SLC46A3: variants seen among roughly 807,000 people sequenced by gnomAD.
SLC46A3 encodes lysosomal proton-coupled steroid conjugate and bile acid symporter SLC46A3.
A neutral mutation model predicts 38.5 loss-of-function variants in SLC46A3; 26 were observed. That is an observed-to-expected ratio of 0.68 (90% CI 0.49 to 0.94). The LOEUF is 0.94. SLC46A3 is among the 40% of genes least tolerant of loss of function. The pLI is 0.00. For synonymous variants in SLC46A3, 185 were observed against 192.5 expected (o/e 0.96, Z 0.32); for missense variants, 510 against 544.3 (o/e 0.94, Z 0.63).
In SLC46A3 at chr13:28,712,748, C is replaced by A; in HGVS notation, c.992G>T (p.Gly331Val). ...CMEDIHMAFI[G>V]IFTTMTGMAM... Reference sequence around the variant, plus strand: ...CATTCCTGTCATCGTGGTAAAAATCCCAATGAAGGCCATATGAATATCTTC... The same window carrying A: ...CATTCCTGTCATCGTGGTAAAAATCACAATGAAGGCCATATGAATATCTTC... The change falls in exon 3 of 6, where the codon GGG (glycine) becomes GTG (valine). Residue 331 changes from glycine to valine, a missense_variant. Physicochemically the swap from Gly to Val is moderately radical, Grantham distance 109 (BLOSUM62 -3). Coordinates refer to ENST00000266943, the MANE Select transcript of SLC46A3 (RefSeq NM_181785.4). 1 of 1,609,180 alleles carries A rather than the reference C, an allele frequency of 6.2e-7. No individual in the cohort carries two copies. Among genetic ancestry groups the A allele is most frequent in the Admixed American group, 1.7e-5 (1 of 58,744 alleles).
rs747541726 is a variant in SLC46A3, at chr13:28,704,032, A to C, written c.1212T>G (p.Asn404Lys). 1 of 1,613,784 alleles carries C rather than the reference A, an allele frequency of 6.2e-7. No individual in the cohort carries two copies. Among genetic ancestry groups the C allele is most frequent in the South Asian group, 1.1e-5 (1 of 91,070 alleles). Residue 404 changes from asparagine to lysine, a missense_variant, in exon 5 of 6, where the codon AAT (asparagine) becomes AAG (lysine). Coordinates refer to ENST00000266943, the MANE Select transcript of SLC46A3 (RefSeq NM_181785.4). ...AAGCAACAGTGGCTGAGTAAATTCCATTAAAAGTAGAAACTGCAGTGACTC... is the reference window on the plus strand; with the variant it reads ...AAGCAACAGTGGCTGAGTAAATTCCCTTAAAAGTAGAAACTGCAGTGACTC... ...LGGVTAVSTF[N>K]GIYSATVAWY...
intron 2 of SLC46A3, among the ~76,000 whole-genome samples, chr13:28,716,843 T>C (rs934696553): frequency 6.6e-6 from 1 of 152,148 alleles, no homozygotes. Context: ...TCACAGAGAC[T>C]CACAGAGCCA....
intron 2 of SLC46A3, among the ~76,000 whole-genome samples, chr13:28,715,339 A>C (rs1249997883): frequency 6.6e-6 from 1 of 152,264 alleles, no homozygotes. Context: ...GGCTCTCAGC[A>C]GCTGGGCCAG....
At position 28,713,021 on chromosome 13, in the gene SLC46A3, T is replaced by C; in HGVS notation, c.719A>G (p.Asn240Ser). The change falls in exon 3 of 6, where the codon AAC (asparagine) becomes AGC (serine). Residue 240 changes from asparagine (N) to serine (S), a missense_variant. Asn to Ser is a conservative substitution (Grantham distance 46). Transcript: ENST00000266943. ...AAGCATGTAAGTTCGGTAAAATAGGTTTTTGAAGCCTTCACTACATGACAT... is the reference window on the plus strand; with the variant it reads ...AAGCATGTAAGTTCGGTAAAATAGGCTTTTGAAGCCTTCACTACATGACAT... ...VTMSCSEGFKNLFYRTYMLFK... is the reference protein window; with the variant it reads ...VTMSCSEGFKSLFYRTYMLFK... 6.2e-7 allele frequency: 1 copy of C among 1,612,196 alleles called. No homozygotes were observed. Among genetic ancestry groups the C allele is most frequent in the Non-Finnish European group, 8.5e-7 (1 of 1,179,660 alleles).
chr13:28,712,809 T>C lies in SLC46A3; in HGVS notation c.931A>G (p.Ser311Gly), dbSNP rs1328361395. The C allele has an allele frequency of 7.4e-6, 12 of 1,613,544 alleles. No homozygotes were observed. Among genetic ancestry groups the C allele is most frequent in the Non-Finnish European group, 1.0e-5 (12 of 1,179,924 alleles). Residue 311 changes from serine to glycine, a missense_variant, in exon 3 of 6, where the codon AGT becomes GGT. Transcript: ENST00000266943. ...SALGSASFLT[S>G]FLGIWLFSYC... is the part of the protein sequence containing the mutation. ...GAAAAAAGCCATATTCCTAGGAAACTAGTCAAAAAAGAGGCACTACCCAAA... is the reference window on the plus strand; with the variant it reads ...GAAAAAAGCCATATTCCTAGGAAACCAGTCAAAAAAGAGGCACTACCCAAA...
intron 4 of SLC46A3, among the ~76,000 whole-genome samples, chr13:28,707,806 G>C (rs1164366928): frequency 2.0e-5 from 3 of 152,056 alleles, no homozygotes; most frequent in Non-Finnish European, 4.4e-5. Context: ...ACCCCGAAAA[G>C]AAACTGTATA....
intron 3 of SLC46A3, among the ~76,000 whole-genome samples, chr13:28,711,511 A>G (rs1885342583): frequency 6.6e-6 from 1 of 151,588 alleles, no homozygotes; most frequent in Non-Finnish European, 1.5e-5. Flanking sequence ...GAGACTGCTA[A>G]TTCATTTTTG....
intron 4 of SLC46A3, among the ~76,000 whole-genome samples, chr13:28,707,337 G>A (rs1593186367): frequency 6.7e-6 from 1 of 148,334 alleles, no homozygotes; most frequent in South Asian, 2.2e-4. Flanking sequence ...ACTCACAGGT[G>A]GGAATTGAAC....
chr13:28,714,674 G>C (rs1035628764), intron 2 of SLC46A3, among the ~76,000 whole-genome samples: 1 of 152,220 alleles, frequency 6.6e-6, no homozygotes, highest in Admixed American at 6.5e-5. Flanking sequence ...GCTTGAACCT[G>C]GGAGGCAGAG....
chr13:28,702,989 C>T (rs1885071424), intron 5 of SLC46A3, among the ~76,000 whole-genome samples: 1 of 152,076 alleles, frequency 6.6e-6, no homozygotes, highest in South Asian at 2.1e-4. Flanking sequence ...TTAATGAGCT[C>T]TTCATTAATG....
chr13:28,718,134 A>G, intron 1 of SLC46A3, 112 bp from the exon 2 acceptor site: 1 of 812,278 alleles, frequency 1.2e-6, no homozygotes, highest in Non-Finnish European at 1.9e-6. Flanking sequence ...CAAGCAAACT[A>G]GAGAACAGAA....
Position 28,712,890 on chromosome 13 carries a change from A to G in SLC46A3, c.850T>C (p.Tyr284His), listed in dbSNP as rs1174037542. ...VIGIAPIFIL[Y>H]ELDSPLCWNE... ...CAGCAGAGTGGTGAATCCAATTCAT[A>G]AAGGATAAAAATTGGGGCAATGCCA... is the stretch of plus-strand genomic sequence containing the variant. The change falls in exon 3 of 6, where the codon TAT (tyrosine) becomes CAT (histidine). Residue 284 changes from tyrosine (Y) to histidine (H), a missense_variant. Transcript: ENST00000266943. The G allele has an allele frequency of 1.2e-6, 2 of 1,611,010 alleles. No individual in the cohort carries two copies. The highest frequency in any genetic ancestry group is 2.2e-5 in the South Asian group (2 of 90,166).
Position 28,701,470 on chromosome 13 carries a change from G to C in SLC46A3, c.*27C>G. 1 of 1,606,904 alleles carries C rather than the reference G, an allele frequency of 6.2e-7. No homozygotes were observed. Among genetic ancestry groups the C allele is most frequent in the Non-Finnish European group, 8.5e-7 (1 of 1,177,712 alleles). ...ATGGTATATGATATGTGCATTCATA[G>C]ATTTTTTTTGTTTGTTTAAATCACA... On this transcript the variant is annotated 3_prime_UTR_variant, in exon 6 of 6. Transcript: ENST00000266943.
intron 2 of SLC46A3, among the ~76,000 whole-genome samples, chr13:28,714,597 A>C (rs1428910231): frequency 1.3e-5 from 2 of 152,210 alleles, no homozygotes; most frequent in Non-Finnish European, 2.9e-5. Context: ...AAAAATACAA[A>C]AATTAGCCAG....
intron 4 of SLC46A3, among the ~76,000 whole-genome samples, chr13:28,706,861 C>T (rs1409377914): frequency 6.6e-6 from 1 of 152,230 alleles, no homozygotes; most frequent in South Asian, 2.1e-4. Context: ...TACCATCTCA[C>T]ACCAGTTAGA....
chr13:28,708,014 A>G (rs960819702), intron 4 of SLC46A3, among the ~76,000 whole-genome samples: 4 of 152,206 alleles, frequency 2.6e-5, no homozygotes, highest in African/African-American at 9.6e-5. Flanking sequence ...TAACAGAACG[A>G]TATTTCTTTT....
rs1353196944 is a variant in SLC46A3 at position 28,704,478 on chromosome 13, C to T, written c.1145-379G>A. On this transcript the variant is annotated intron_variant, in intron 4 of 5. Transcript: ENST00000266943. ...CCCTGCTCTTCAGGATGCTGTCTCC[C>T]ACCCTCCAACCCCATGCTAATCTGT... is the stretch of plus-strand genomic sequence containing the variant. 7 of 165,248 alleles carry T rather than the reference C, an allele frequency of 4.2e-5. No homozygotes were observed. The South Asian group carries it at 1.0e-3, about 25-fold the overall frequency. 10.2% of individuals were successfully genotyped at this position (165,248 alleles called of 1,614,324 possible). A position where few individuals can be genotyped will look rare whatever the true frequency, so the allele number is the denominator to read the frequency against.
In SLC46A3 at chr13:28,712,750, A is replaced by G; in HGVS notation, c.990T>C (p.Ile330=). Residue 330 remains isoleucine, a synonymous_variant, in exon 3 of 6, where the codon ATT becomes ATC. Transcript: ENST00000266943. ...TTCCTGTCATCGTGGTAAAAATCCC[A>G]ATGAAGGCCATATGAATATCTTCCA... is the stretch of plus-strand genomic sequence containing the variant. The part of the protein sequence containing the change: ...YCMEDIHMAF[I]GIFTTMTGMA... 1 of 1,610,142 alleles carries G rather than the reference A, an allele frequency of 6.2e-7. No homozygotes were observed. Among genetic ancestry groups the G allele is most frequent in the East Asian group, 2.2e-5 (1 of 44,864 alleles).
chr13:28,701,320 G>A lies in SLC46A3; in HGVS notation c.*177C>T, dbSNP rs1885010829. The A allele has an allele frequency of 3.5e-5, 50 of 1,425,336 alleles. No homozygotes were observed. The highest frequency in any genetic ancestry group is 5.1e-5 in the East Asian group (2 of 39,370). 88.3% of individuals were successfully genotyped at this position (1,425,336 alleles called of 1,614,324 possible). A position where few individuals can be genotyped will look rare whatever the true frequency, so the allele number is the denominator to read the frequency against. On this transcript the variant is annotated 3_prime_UTR_variant, in exon 6 of 6. Transcript: ENST00000266943. ...GATACGCACAAAGTGCTCAAAGTGC[G>A]TGGTACCACAAGAAGCTAAAGCCAG...
Sources: gnomAD v4.1 joint callset for allele counts (sites outside exome capture counted in the v4.1 genomes callset) on GRCh38, gnomAD v4.1.1 for gene constraint, MANE v1.5 for transcripts, NCBI Gene and HGNC (gene_info 2026-07-23, HGNC 2026-07-21) for gene names.